Variants in PDE3A observed in about 807,000 individuals in gnomAD.
PDE3A encodes phosphodiesterase 3A.
PDE3A carries 43 observed loss-of-function variants against 98.3 expected under a neutral mutation model. That is an observed-to-expected ratio of 0.44 (90% CI 0.34 to 0.56). The LOEUF is 0.56. PDE3A is among the 20% of genes least tolerant of loss of function. PDE3A has a pLI of 0.01. For synonymous variants in PDE3A, 663 were observed against 567.9 expected (o/e 1.17, Z -2.38); for missense variants, 1,427 against 1,440.7 (o/e 0.99, Z 0.15).
intron 1 of PDE3A, among the ~76,000 whole-genome samples, chr12:20,495,945 A>T (rs1945911542): frequency 6.6e-6 from 1 of 152,220 alleles, no homozygotes; most frequent in Non-Finnish European, 1.5e-5. Context: ...CTGTTATTGC[A>T]CTAAAGGAAT....
chr12:20,539,850 A>G (rs1941849173), intron 1 of PDE3A, among the ~76,000 whole-genome samples: 1 of 152,128 alleles, frequency 6.6e-6, no homozygotes, highest in Non-Finnish European at 1.5e-5. Context: ...AAGGTGTTAC[A>G]TTGATTATCT....
intron 1 of PDE3A, among the ~76,000 whole-genome samples, chr12:20,503,829 C>T (rs996534748): frequency 1.3e-5 from 2 of 152,186 alleles, no homozygotes; most frequent in Admixed American, 1.3e-4. Context: ...AATGTGTCAT[C>T]ATTAAATTGT....
chr12:20,370,242 C>G lies in PDE3A; in HGVS notation c.958C>G (p.Gln320Glu), dbSNP rs1270714595. ...RTSLPCIPRE[Q>E]LMGHSEWDHK... ...CTCCCTGCCCTGTATACCGAGGGAA[C>G]AGGTAAGCACTGGCAACTCCTCTCT... The change falls in exon 1 of 16, where the codon CAG (glutamine) becomes GAG (glutamate). Residue 320 changes from glutamine to glutamate, a missense_variant and splice_region_variant. Gln to Glu is a conservative substitution (Grantham distance 29). Transcript: ENST00000359062. 4 of 1,531,424 alleles carry G rather than the reference C, an allele frequency of 2.6e-6. No individual in the cohort carries two copies. In the Admixed American group the frequency reaches 6.4e-5, roughly 25 times the overall value. The allele number at this position is 1,531,424 out of a possible 1,614,324, so 94.9% of individuals were successfully genotyped here.
chr12:20,592,973 C>T (rs1943374971), intron 2 of PDE3A, among the ~76,000 whole-genome samples: 1 of 152,006 alleles, frequency 6.6e-6, no homozygotes, highest in Non-Finnish European at 1.5e-5. Context: ...ATGCTGAGTA[C>T]TAAGATTATA....
At chr12:20,480,969 T>A (rs1266408338) in intron 1 of PDE3A, among the ~76,000 whole-genome samples, 5 of 152,212 alleles carry the variant, frequency 3.3e-5, no homozygotes, top group African/African-American at 1.2e-4. Flanking sequence ...CTGTTAAAAA[T>A]ACCAACTGAT....
At chr12:20,370,348 C>A in intron 1 of PDE3A, 104 bp downstream of exon 1, 1 of 920,812 alleles carries the variant, frequency 1.1e-6, no homozygotes, top group South Asian at 3.4e-5. Context: ...GGGAAGATAG[C>A]CTAGAAAACT....
At chr12:20,429,521 G>C (rs1944658820) in intron 1 of PDE3A, among the ~76,000 whole-genome samples, 1 of 152,152 alleles carries the variant, frequency 6.6e-6, no homozygotes, top group Admixed American at 6.5e-5. Flanking sequence ...TGTTTCTGAA[G>C]CTCTGTGACT....
chr12:20,529,440 A>C (rs2121180844), intron 1 of PDE3A, among the ~76,000 whole-genome samples: 1 of 152,284 alleles, frequency 6.6e-6, no homozygotes, highest in Non-Finnish European at 1.5e-5. Flanking sequence ...CTAACACCTC[A>C]GAATGTTACC....
At chr12:20,466,698 A>T (rs1945345110) in intron 1 of PDE3A, among the ~76,000 whole-genome samples, 2 of 152,200 alleles carry the variant, frequency 1.3e-5, no homozygotes, top group Non-Finnish European at 2.9e-5. Flanking sequence ...ATCTAATGTG[A>T]ATATAAAAAT....
At chr12:20,620,829 C>CAT (rs1465155331) in intron 4 of PDE3A, among the ~76,000 whole-genome samples, 1 of 151,744 alleles carries the variant, frequency 6.6e-6, no homozygotes, top group African/African-American at 2.4e-5. Flanking sequence ...AAAAAAAACA[C>CAT]CATTATTTAT....
At chr12:20,430,327 T>G (rs1234420332) in intron 1 of PDE3A, among the ~76,000 whole-genome samples, 1 of 152,168 alleles carries the variant, frequency 6.6e-6, no homozygotes, top group Non-Finnish European at 1.5e-5. Context: ...TTATTTTTCA[T>G]CCAGAAATAT....
intron 2 of PDE3A, among the ~76,000 whole-genome samples, chr12:20,580,483 G>A (rs753787689): frequency 6.6e-6 from 1 of 152,100 alleles, no homozygotes; most frequent in Non-Finnish European, 1.5e-5. Flanking sequence ...GTTTGGGGTG[G>A]AAGAGAAGAA....
chr12:20,420,228 G>T (rs1343807522), intron 1 of PDE3A, among the ~76,000 whole-genome samples: 1 of 152,142 alleles, frequency 6.6e-6, no homozygotes, highest in Non-Finnish European at 1.5e-5. Context: ...GGAGAAGAGA[G>T]AATGTCTGTA....
chr12:20,550,681 A>G (rs1055016470), intron 1 of PDE3A, among the ~76,000 whole-genome samples: 5 of 152,108 alleles, frequency 3.3e-5, no homozygotes, highest in African/African-American at 1.2e-4. Flanking sequence ...CTACAATTAA[A>G]TCATCATGAT....
In PDE3A at chr12:20,664,825, C is replaced by T. The variant is rs1945268225; in HGVS notation, c.3184+10620C>T. Among the ~76,000 whole-genome samples the T allele has an allele frequency of 2.6e-5, 4 of 152,164 alleles. No individual in the cohort carries two copies. In the South Asian group the frequency reaches 8.3e-4, roughly 32 times the overall value. ...TATCCAGTCTCAGGTATGTCTTTATCAGCAGTGTGAAATTGACTAACACAC... is the reference window on the plus strand; with the variant it reads ...TATCCAGTCTCAGGTATGTCTTTATTAGCAGTGTGAAATTGACTAACACAC... On this transcript the variant is annotated intron_variant, in intron 15 of 15. Coordinates refer to ENST00000359062, the MANE Select transcript of PDE3A (RefSeq NM_000921.5).
chr12:20,669,913 TAA>T (rs1945425778), intron 15 of PDE3A, among the ~76,000 whole-genome samples: 2 of 151,928 alleles, frequency 1.3e-5, no homozygotes, highest in African/African-American at 4.8e-5. Flanking sequence ...GCAAATTGGA[TAA>T]AGAGTCAAGA....
intron 1 of PDE3A, among the ~76,000 whole-genome samples, chr12:20,555,802 C>T (rs772275460): frequency 2.6e-5 from 4 of 152,112 alleles, no homozygotes; most frequent in African/African-American, 4.8e-5. Context: ...TATTCAAAGG[C>T]ATATTATTTT....
chr12:20,500,065 C>A (rs1177722882), intron 1 of PDE3A, among the ~76,000 whole-genome samples: 2 of 152,204 alleles, frequency 1.3e-5, no homozygotes, highest in Non-Finnish European at 2.9e-5. Flanking sequence ...AAGCAAGAGT[C>A]TCTGCCACCT....
intron 1 of PDE3A, among the ~76,000 whole-genome samples, chr12:20,386,141 AAATATATATAT>A (rs1565532618): frequency 3.3e-5 from 3 of 90,620 alleles, no homozygotes; most frequent in African/African-American, 1.0e-4. Flanking sequence ...AAATATATAT[AAATATATATAT>A]AAATATATAT....
Sources: allele counts gnomAD v4.1 joint callset (sites outside exome capture counted in the v4.1 genomes callset), GRCh38; gene constraint gnomAD v4.1.1; transcripts MANE v1.5; gene names NCBI Gene and HGNC (gene_info 2026-07-23, HGNC 2026-07-21).